YTHDF3: variants seen among roughly 807,000 people sequenced by gnomAD.
YTHDF3 encodes YTH N6-methyladenosine RNA binding protein F3.
Under a neutral mutation model 52.5 loss-of-function variants are expected in YTHDF3, and 9 were observed. That is an observed-to-expected ratio of 0.17 (90% CI 0.10 to 0.30). The LOEUF (loss-of-function observed/expected upper bound fraction) is 0.30, where lower values mean the gene tolerates loss of function less well. Among genes scored for constraint, YTHDF3 ranks in the 10% least tolerant of loss-of-function variants. The pLI is 1.00. For synonymous variants in YTHDF3, 274 were observed against 243.3 expected (o/e 1.13, Z -1.18); for missense variants, 534 against 715.0 (o/e 0.75, Z 2.89).
At chr8:63,202,704 C>T (rs182077069) in intron 4 of YTHDF3, among the ~76,000 whole-genome samples, 1 of 151,984 alleles carries the variant, frequency 6.6e-6, no homozygotes, top group African/African-American at 2.4e-5. Context: ...CTCAGGTGAG[C>T]CACCCGCCTG....
intron 2 of YTHDF3, among the ~76,000 whole-genome samples, chr8:63,169,942 G>A (rs1413091002): frequency 1.3e-5 from 2 of 152,186 alleles, no homozygotes; most frequent in African/African-American, 4.8e-5. Flanking sequence ...TGTTCTGATT[G>A]CAAGGTGTGA....
chr8:63,205,294 C>T (rs921792441), intron 4 of YTHDF3, among the ~76,000 whole-genome samples: 10 of 152,130 alleles, frequency 6.6e-5, no homozygotes, highest in Admixed American at 1.3e-4. Flanking sequence ...TTGTGTAATT[C>T]AGGTTTCCTT....
Position 63,186,771 on chromosome 8 carries a change from C to T in YTHDF3, c.760C>T (p.Pro254Ser). The change falls in exon 4 of 5, where the codon CCC (proline) becomes TCC (serine). Residue 254 changes from proline to serine, a missense_variant. This residue lies in a region of YTHDF3 where 203 missense variants were observed against 201.3 expected (regional missense o/e 1.01). Transcript: ENST00000539294. The part of the protein sequence containing the change: ...KPAKPQPKLK[P>S]KGNVGIGGSA... The stretch of plus-strand genomic sequence containing the variant: ...TGCCAAACCTCAACCGAAACTTAAA[C>T]CCAAGGGCAATGTGGGAATTGGGGG... The T allele has an allele frequency of 6.2e-7, 1 of 1,613,960 alleles. No homozygotes were observed. The highest frequency in any genetic ancestry group is 8.5e-7 in the Non-Finnish European group (1 of 1,179,884).
chr8:63,200,424 C>CT (rs1040767686), intron 4 of YTHDF3, among the ~76,000 whole-genome samples: 48 of 146,880 alleles, frequency 3.3e-4, no homozygotes, highest in South Asian at 8.7e-4. Context: ...TCTTTTTTTT[C>CT]TTTTTTTTTT....
chr8:63,196,256 TAAAA>T (rs879565627), intron 4 of YTHDF3, among the ~76,000 whole-genome samples: 3 of 135,086 alleles, frequency 2.2e-5, no homozygotes, highest in African/African-American at 8.2e-5. Flanking sequence ...GTCTGTCTCT[TAAAA>T]AAAAAAAAAA....
chr8:63,203,095 A>G (rs527374665), intron 4 of YTHDF3, among the ~76,000 whole-genome samples: 1 of 152,190 alleles, frequency 6.6e-6, no homozygotes, highest in Admixed American at 6.5e-5. Context: ...TACAAAAATT[A>G]GCTGAGCATG....
intron 1 of YTHDF3, 154 bp downstream of exon 1, chr8:63,169,055 G>A (rs1183606515): frequency 7.0e-7 from 1 of 1,420,094 alleles, no homozygotes; most frequent in Non-Finnish European, 9.1e-7. Context: ...GGGCCGGGGC[G>A]TGCGCCCTGG....
At chr8:63,170,867 A>T (rs1271342448) in intron 2 of YTHDF3, among the ~76,000 whole-genome samples, 1 of 152,194 alleles carries the variant, frequency 6.6e-6, no homozygotes, top group Non-Finnish European at 1.5e-5. Context: ...GAGCCTCTAC[A>T]GCACTGTAAG....
At chr8:63,177,780 C>T (rs1244544916) in intron 3 of YTHDF3, among the ~76,000 whole-genome samples, 33 of 138,950 alleles carry the variant, frequency 2.4e-4, no homozygotes, top group Admixed American at 2.1e-3. Context: ...TTTTTTGAAA[C>T]GGAGTCTCGC....
intron 4 of YTHDF3, among the ~76,000 whole-genome samples, chr8:63,202,057 A>G (rs1809676790): frequency 6.6e-6 from 1 of 152,206 alleles, no homozygotes; most frequent in African/African-American, 2.4e-5. Flanking sequence ...ACCGTAAGCC[A>G]CCAAAGATAA....
intron 4 of YTHDF3, among the ~76,000 whole-genome samples, chr8:63,196,556 C>T (rs1450227983): frequency 1.4e-5 from 2 of 147,520 alleles, no homozygotes; most frequent in South Asian, 2.1e-4. Context: ...AGCAAGACTC[C>T]GTCTTAAAAA....
chr8:63,175,236 T>C, intron 2 of YTHDF3, 95 bp from the exon 3 acceptor site: 1 of 854,162 alleles, frequency 1.2e-6, no homozygotes, highest in Non-Finnish European at 1.8e-6. Context: ...TTTTTCTGAT[T>C]ACTTTTTTTG....
In YTHDF3 at chr8:63,187,471, C is replaced by T. The variant is rs372046184; in HGVS notation, c.1460C>T (p.Ala487Val). 11 of 1,613,914 alleles carry T rather than the reference C, an allele frequency of 6.8e-6. No individual in the cohort carries two copies. The highest frequency in any genetic ancestry group is 1.1e-5 in the South Asian group (1 of 91,084). ...ATGAAGTCTGTTGTGGACTATAATG[C>T]GTATGCTGGTGTCTGGTCTCAGGAT... ...AEMKSVVDYNAYAGVWSQDKW... is the reference protein window; with the variant it reads ...AEMKSVVDYNVYAGVWSQDKW... Residue 487 changes from alanine (A) to valine (V), a missense_variant, in exon 4 of 5, where the codon GCG (alanine) becomes GTG (valine). Ala to Val is a moderately conservative substitution (Grantham distance 64). This residue lies in a region of YTHDF3 where 135 missense variants were observed against 214.2 expected (regional missense o/e 0.63). Coordinates refer to ENST00000539294, the MANE Select transcript of YTHDF3 (RefSeq NM_152758.6).
intron 3 of YTHDF3, among the ~76,000 whole-genome samples, chr8:63,183,906 ATAGT>A (rs545714016): frequency 1.9e-3 from 287 of 152,282 alleles, no homozygotes; most frequent in African/African-American, 4.7e-3. Context: ...AAATGGTATA[ATAGT>A]TAGTTGTATG....
intron 4 of YTHDF3, among the ~76,000 whole-genome samples, chr8:63,198,716 C>A (rs186619205): frequency 1.3e-5 from 2 of 152,170 alleles, no homozygotes; most frequent in Admixed American, 1.3e-4. Context: ...AATAGTTATA[C>A]TTATGACAAC....
chr8:63,175,161 A>G, intron 2 of YTHDF3, among the ~76,000 whole-genome samples, 170 bp from the exon 3 acceptor site: 1 of 152,308 alleles, frequency 6.6e-6, no homozygotes, highest in Non-Finnish European at 1.5e-5. Flanking sequence ...TTTTTGTGGC[A>G]CATGAATATT....
At chr8:63,204,479 G>A (rs930820213) in intron 4 of YTHDF3, among the ~76,000 whole-genome samples, 1 of 150,638 alleles carries the variant, frequency 6.6e-6, no homozygotes, top group Admixed American at 6.6e-5. Flanking sequence ...TTCCTGCCTC[G>A]GCCTTCCCAG....
chr8:63,196,387 C>T (rs935502612), intron 4 of YTHDF3, among the ~76,000 whole-genome samples: 9 of 151,364 alleles, frequency 5.9e-5, no homozygotes, highest in African/African-American at 1.5e-4. Flanking sequence ...CATGGTGAAA[C>T]GCTGTCTCTA....
chr8:63,171,288 T>C (rs1807307078), intron 2 of YTHDF3, among the ~76,000 whole-genome samples: 1 of 152,174 alleles, frequency 6.6e-6, no homozygotes, highest in Non-Finnish European at 1.5e-5. Flanking sequence ...TAAAAATAAC[T>C]CTAGTCATAA....
Sources: gnomAD v4.1 joint callset for allele counts (sites outside exome capture counted in the v4.1 genomes callset) on GRCh38, gnomAD v4.1.1 for gene constraint, gnomAD v4.1.1 regional missense constraint, MANE v1.5 for transcripts, NCBI Gene and HGNC (gene_info 2026-07-23, HGNC 2026-07-21) for gene names.